Variants in SAMD5 observed in about 807,000 individuals in gnomAD.
SAMD5 encodes the protein sterile alpha motif domain containing 5.
SAMD5 carries 13 observed loss-of-function variants against 11.3 expected under a neutral mutation model. The observed-to-expected ratio is 1.15, with a 90% CI of 0.75 to 1.83. SAMD5 has a LOEUF of 1.83. Ranked by LOEUF, SAMD5 falls within the 40% of genes most tolerant of loss-of-function variation. The pLI, the probability that SAMD5 is intolerant of heterozygous loss-of-function variation, is 0.00. For missense variants in SAMD5, 255 were observed against 239.1 expected, an observed-to-expected ratio of 1.07 and a Z score of -0.44; for synonymous variants, 129 against 111.3, an observed-to-expected ratio of 1.16 and a Z score of -1.00.
At chr6:147,886,879 C>T in the SAMD5 span, among the ~76,000 whole-genome samples, 1 of 152,132 alleles carries the variant, frequency 6.6e-6, no homozygotes, top group Non-Finnish European at 1.5e-5. Context: ...CAGCTACAAG[C>T]TATGAGGAGA....
chr6:147,862,016 A>G, the SAMD5 span, among the ~76,000 whole-genome samples: 3 of 152,118 alleles, frequency 2.0e-5, no homozygotes, highest in Non-Finnish European at 4.4e-5. Flanking sequence ...AAGTATCCTC[A>G]CTAAGAATGT....
At chr6:147,779,497 CTT>C in the SAMD5 span, among the ~76,000 whole-genome samples, 22,147 of 140,600 alleles carry the variant, frequency 0.16, 2,209 homozygotes, top group African/African-American at 0.32. Context: ...TGAAGTCATC[CTT>C]TTTTTTTTTT....
At chr6:147,624,058 C>T (rs1201782905) in intron 1 of SAMD5, among the ~76,000 whole-genome samples, 6 of 151,978 alleles carry the variant, frequency 3.9e-5, no homozygotes, top group African/African-American at 9.7e-5. Flanking sequence ...TTAGTAGAAA[C>T]GGGGTTTTGC....
chr6:147,593,378 C>A (rs564493601), intron 1 of SAMD5, among the ~76,000 whole-genome samples: 1 of 152,020 alleles, frequency 6.6e-6, no homozygotes, highest in South Asian at 2.1e-4. Flanking sequence ...GAGAGGGAGG[C>A]TAAGGGGAAG....
At chr6:147,787,053 GC>G in the SAMD5 span, among the ~76,000 whole-genome samples, 1 of 152,186 alleles carries the variant, frequency 6.6e-6, no homozygotes, top group Non-Finnish European at 1.5e-5. Context: ...AAGGAGTTTA[GC>G]CAGAAGTTGT....
chr6:147,629,078 G>T (rs1054973980), intron 1 of SAMD5, among the ~76,000 whole-genome samples: 1 of 152,112 alleles, frequency 6.6e-6, no homozygotes, highest in East Asian at 1.9e-4. Flanking sequence ...ATCACCTGAG[G>T]TCAGGAGTTT....
At chr6:147,717,559 G>A (rs539717732) in intron 1 of SAMD5, among the ~76,000 whole-genome samples, 7 of 152,286 alleles carry the variant, frequency 4.6e-5, no homozygotes, top group East Asian at 1.9e-4. Context: ...AGGACCCCGC[G>A]TGTCCATTCT....
chr6:147,580,275 C>T (rs1789277668), intron 1 of SAMD5, among the ~76,000 whole-genome samples: 1 of 152,166 alleles, frequency 6.6e-6, no homozygotes, highest in African/African-American at 2.4e-5. Flanking sequence ...GTCTCAAGTT[C>T]CTCTGAACAC....
intron 1 of SAMD5, among the ~76,000 whole-genome samples, chr6:147,695,955 A>G (rs1189078598): frequency 6.6e-6 from 1 of 152,200 alleles, no homozygotes; most frequent in Non-Finnish European, 1.5e-5. Flanking sequence ...GAATTATCAA[A>G]TTAACACCCT....
At chr6:147,536,015 G>A (rs1249757510) in intron 1 of SAMD5, among the ~76,000 whole-genome samples, 4 of 149,886 alleles carry the variant, frequency 2.7e-5, no homozygotes, top group Middle Eastern at 3.4e-3. Flanking sequence ...ACGGACTCTC[G>A]CTCTGTTGCC....
At chr6:147,851,428 C>T in the SAMD5 span, among the ~76,000 whole-genome samples, 41 of 152,214 alleles carry the variant, frequency 2.7e-4, no homozygotes, top group South Asian at 8.1e-3. Context: ...GGGGAGACTA[C>T]GGTATTATAA....
intron 1 of SAMD5, among the ~76,000 whole-genome samples, chr6:147,583,144 C>A (rs937068576): frequency 2.6e-4 from 40 of 152,212 alleles, no homozygotes; most frequent in African/African-American, 9.2e-4. Context: ...ACATTTCATT[C>A]TGTGAATATC....
At chr6:147,906,077 A>T in the SAMD5 span, among the ~76,000 whole-genome samples, 35,292 of 152,146 alleles carry the variant, frequency 0.23, 4,771 homozygotes, top group African/African-American at 0.36. Flanking sequence ...TCTTATGAAA[A>T]TAGTCACACA....
chr6:147,863,643 T>G, the SAMD5 span, among the ~76,000 whole-genome samples: 1 of 151,812 alleles, frequency 6.6e-6, no homozygotes, highest in African/African-American at 2.4e-5. Flanking sequence ...AGGCAGACAT[T>G]TATAGATAAC....
the SAMD5 span, among the ~76,000 whole-genome samples, chr6:147,940,896 A>G: frequency 6.6e-6 from 1 of 152,062 alleles, no homozygotes; most frequent in South Asian, 2.1e-4. Flanking sequence ...CCGGAGGCGG[A>G]GATTGCAGTG....
At chr6:147,907,386 A>G in the SAMD5 span, among the ~76,000 whole-genome samples, 1 of 152,242 alleles carries the variant, frequency 6.6e-6, no homozygotes, top group African/African-American at 2.4e-5. Flanking sequence ...GTTACAGGAT[A>G]AGAAAGAAAA....
At chr6:147,860,494 G>A in the SAMD5 span, among the ~76,000 whole-genome samples, 6 of 152,190 alleles carry the variant, frequency 3.9e-5, no homozygotes, top group Non-Finnish European at 7.3e-5. Flanking sequence ...AGCCACTCAT[G>A]TATTGATATT....
At chr6:147,910,641 G>A in the SAMD5 span, among the ~76,000 whole-genome samples, 7,382 of 152,202 alleles carry the variant, frequency 0.049, 604 homozygotes, top group African/African-American at 0.17. Context: ...GCGAATGAGA[G>A]GAGCCCATTA....
At chr6:147,777,835 A>G in the SAMD5 span, among the ~76,000 whole-genome samples, 1 of 152,288 alleles carries the variant, frequency 6.6e-6, no homozygotes, top group South Asian at 2.1e-4. Flanking sequence ...TGTAGCATGC[A>G]CCAGAACTTC....
Sources: allele counts gnomAD v4.1 joint callset (sites outside exome capture counted in the v4.1 genomes callset), GRCh38; gene constraint gnomAD v4.1.1; transcripts MANE v1.5; gene names NCBI Gene and HGNC (gene_info 2026-07-23, HGNC 2026-07-21).